Variants in NFRKB observed in about 807,000 individuals in gnomAD.
The protein encoded by NFRKB is nuclear factor related to kappa-B-binding protein.
NFRKB carries 62 observed loss-of-function variants against 135.7 expected under a neutral mutation model. The ratio of observed to expected loss-of-function variants is 0.46; its 90% confidence interval spans 0.37 to 0.56. The LOEUF (loss-of-function observed/expected upper bound fraction) is 0.56, where lower values mean the gene tolerates loss of function less well. Ranked by LOEUF, NFRKB falls within the 20% of genes least tolerant of loss-of-function variation. The pLI, the probability that NFRKB is intolerant of heterozygous loss-of-function variation, is 0.00. For missense variants in NFRKB, 1,545 were observed against 1,662.0 expected (o/e 0.93, Z 1.22); for synonymous variants, 678 against 635.6 (o/e 1.07, Z -1.00).
At chr11:129,873,140 T>C (rs957661748) in intron 22 of NFRKB, 44 bp from the exon 23 acceptor site, 5 of 1,492,832 alleles carry the variant, frequency 3.3e-6, no homozygotes, top group Admixed American at 4.2e-5. Flanking sequence ...GACTCTAAGA[T>C]GCAGACCAGC....
chr11:129,869,253 G>A (rs1321537758), intron 24 of NFRKB, among the ~76,000 whole-genome samples: 2 of 152,268 alleles, frequency 1.3e-5, no homozygotes, highest in Middle Eastern at 3.4e-3. Context: ...ATCATACTTT[G>A]ATAAATTGTG....
At chr11:129,886,900 G>A (rs767651334) in intron 4 of NFRKB, among the ~76,000 whole-genome samples, 22 of 152,314 alleles carry the variant, frequency 1.4e-4, no homozygotes, top group Non-Finnish European at 3.1e-4. Context: ...TGCACCCTCA[G>A]CTGTAGTGAA....
In NFRKB at chr11:129,869,992, G is replaced by A. The variant is rs201322656; in HGVS notation, c.3033C>T (p.His1011=). Residue 1011 remains histidine, a synonymous_variant, in exon 24 of 27, where the codon CAC becomes CAT. Transcript: ENST00000682444. ...CTGCATGTACTGGATTGGAAGTGAC[G>A]TGTAAGGTGGCAGAGATGCCTTTGC... is the stretch of plus-strand genomic sequence containing the variant. ...TTGKGISATL[H]VTSNPVHAAD... 1.5e-5 allele frequency: 24 copies of A among 1,614,252 alleles called. 1 individual carries two copies. Among genetic ancestry groups the A allele is most frequent in the Middle Eastern group, 3.3e-4 (2 of 6,062 alleles).
chr11:129,888,095 A>G (rs1949365803), intron 4 of NFRKB, among the ~76,000 whole-genome samples: 1 of 152,190 alleles, frequency 6.6e-6, no homozygotes, highest in Non-Finnish European at 1.5e-5. Flanking sequence ...TGCTCAATGT[A>G]AAATTCCTTG....
In NFRKB at chr11:129,882,526, G is replaced by T. The variant is rs778069780; in HGVS notation, c.1007C>A (p.Pro336Gln). The change falls in exon 10 of 27, where the codon CCG becomes CAG. Residue 336 changes from proline (P) to glutamine (Q), a missense_variant. This residue lies in a region of NFRKB where 678 missense variants were observed against 646.7 expected (regional missense o/e 1.05). Transcript: ENST00000682444. ...TGCGACCCCTTCAGTACTGCTTAGC[G>T]GCTCGGCCAGGTCCTCTGCCTCTGA... ...IKSEAEDLAE[P>Q]LSSTEGVAPL... 15 of 1,614,000 alleles carry T rather than the reference G, an allele frequency of 9.3e-6. No individual in the cohort carries two copies. The South Asian group carries it at 1.5e-4, about 17-fold the overall frequency.
chr11:129,880,082 G>C (rs1948957430), intron 13 of NFRKB, among the ~76,000 whole-genome samples: 1 of 152,136 alleles, frequency 6.6e-6, no homozygotes. Context: ...AGCTACTCAG[G>C]AGTAGGAGGA....
chr11:129,865,697 A>T (rs1309990242), intron 25 of NFRKB, among the ~76,000 whole-genome samples, 180 bp downstream of exon 25: 1 of 152,164 alleles, frequency 6.6e-6, no homozygotes, highest in Non-Finnish European at 1.5e-5. Context: ...TGTTTTAATC[A>T]CTGCACCTAA....
At chr11:129,875,629 C>G (rs373098706) in intron 17 of NFRKB, among the ~76,000 whole-genome samples, 166 bp from the exon 18 acceptor site, 21 of 151,586 alleles carry the variant, frequency 1.4e-4, no homozygotes, top group African/African-American at 4.9e-4. Flanking sequence ...GGCAGCTCAG[C>G]CACTGGAGTT....
At chr11:129,867,625 CT>C (rs1406092745) in intron 24 of NFRKB, among the ~76,000 whole-genome samples, 1 of 152,112 alleles carries the variant, frequency 6.6e-6, no homozygotes, top group Non-Finnish European at 1.5e-5. Flanking sequence ...CCAACTATTT[CT>C]TTTTTAACCA....
chr11:129,886,483 C>A (rs779319624), intron 4 of NFRKB, 39 bp from the exon 5 acceptor site: 26 of 1,574,494 alleles, frequency 1.7e-5, no homozygotes, highest in Non-Finnish European at 2.1e-5. Flanking sequence ...CATCAATCAA[C>A]AAATATACAT....
chr11:129,886,585 G>A (rs1949290135), intron 4 of NFRKB, 141 bp from the exon 5 acceptor site: 2 of 772,030 alleles, frequency 2.6e-6, no homozygotes, highest in African/African-American at 3.5e-5. Flanking sequence ...AGAGAATCAA[G>A]AAGGAGAACC....
At chr11:129,875,755 C>G (rs1948737997) in intron 17 of NFRKB, among the ~76,000 whole-genome samples, 1 of 147,804 alleles carries the variant, frequency 6.8e-6, no homozygotes, top group African/African-American at 2.5e-5. Flanking sequence ...CTCCCAGGTT[C>G]AAGCAATCCT....
In NFRKB at chr11:129,876,731, A is replaced by G. The variant is rs1032468695; in HGVS notation, c.1737T>C (p.Ile579=). ...ACACGTGCCACCTACCAAGAGACAG[A>G]ATGGTGACGTAGGCAGGCCGGTCGG... The part of the protein sequence containing the change: ...LRSDRPAYVT[I]LSLVRDAAAR... Residue 579 remains isoleucine, a synonymous_variant, in exon 17 of 27, where the codon ATT becomes ATC. Transcript: ENST00000682444. 5 of 1,613,096 alleles carry G rather than the reference A, an allele frequency of 3.1e-6. No individual in the cohort carries two copies. The highest frequency in any genetic ancestry group is 1.3e-5 in the African/African-American group (1 of 75,008).
At chr11:129,893,509 G>C in intron 2 of NFRKB, 1 of 194,486 alleles carries the variant, frequency 5.1e-6, no homozygotes, top group Middle Eastern at 2.3e-3. Flanking sequence ...ACAATAAGCC[G>C]TGATCACGCT....
intron 9 of NFRKB, among the ~76,000 whole-genome samples, chr11:129,882,847 G>C (rs1054292873): frequency 6.6e-6 from 1 of 151,894 alleles, no homozygotes; most frequent in Non-Finnish European, 1.5e-5. Flanking sequence ...GCAGTGGTGC[G>C]ATCATAGCTC....
intron 1 of NFRKB, among the ~76,000 whole-genome samples, chr11:129,894,818 G>A (rs1949702726): frequency 6.6e-6 from 1 of 152,204 alleles, no homozygotes; most frequent in African/African-American, 2.4e-5. Context: ...GCAACCTGAT[G>A]CTCAGAATAA....
In NFRKB at chr11:129,894,625, C is replaced by CT. The variant is rs1344164255; in HGVS notation, c.-101-188dup. Among the ~76,000 whole-genome samples the CT allele has an allele frequency of 2.0e-5, 3 of 152,238 alleles. No homozygotes were observed. In the East Asian group the frequency reaches 5.8e-4, roughly 29 times the overall value. ...GATCCATGTAAAGATATAGCAGAAA[C>CT]TTAAGCGTTGAGTCAAGTCACGTGG... On this transcript the variant is annotated intron_variant, in intron 1 of 26. Coordinates refer to ENST00000682444, the MANE Select transcript of NFRKB (RefSeq NM_001143835.2).
At chr11:129,866,833 C>T (rs1033380726) in intron 24 of NFRKB, among the ~76,000 whole-genome samples, 1 of 152,124 alleles carries the variant, frequency 6.6e-6, no homozygotes, top group South Asian at 2.1e-4. Context: ...TGGGAGAGGG[C>T]ATCAGCATTC....
intron 4 of NFRKB, 144 bp downstream of exon 4, chr11:129,888,450 A>G (rs769730223): frequency 4.9e-6 from 4 of 821,898 alleles, no homozygotes; most frequent in East Asian, 5.2e-5. Flanking sequence ...CCTAGACAGC[A>G]AAGTGTTACA....
Sources: allele counts gnomAD v4.1 joint callset (sites outside exome capture counted in the v4.1 genomes callset), GRCh38; gene constraint gnomAD v4.1.1; regional missense constraint gnomAD v4.1.1; transcripts MANE v1.5; gene names NCBI Gene and HGNC (gene_info 2026-07-23, HGNC 2026-07-21).